The following TRAF3IP1 variants were observed in gnomAD, a reference collection of about 807,000 sequenced individuals.
TRAF3IP1 encodes the protein TRAF3-interacting protein 1.
In TRAF3IP1, 53 loss-of-function variants were observed where a neutral mutation model predicts 89.9. The observed-to-expected ratio is 0.59, with a 90% CI of 0.47 to 0.74. The LOEUF is 0.74. Ranked by LOEUF, TRAF3IP1 falls within the 30% of genes least tolerant of loss-of-function variation. The pLI, the probability that TRAF3IP1 is intolerant of heterozygous loss-of-function variation, is 0.00. For missense variants in TRAF3IP1, 806 were observed against 866.1 expected (o/e 0.93, Z 0.87); for synonymous variants, 311 against 322.1 (o/e 0.97, Z 0.37).
At chr2:238,324,275 C>T (rs1335290904) in intron 1 of TRAF3IP1, among the ~76,000 whole-genome samples, 1 of 152,134 alleles carries the variant, frequency 6.6e-6, no homozygotes, top group Non-Finnish European at 1.5e-5. Context: ...ACCTTGTTGG[C>T]CAGGCTGGTC....
intron 6 of TRAF3IP1, among the ~76,000 whole-genome samples, chr2:238,333,150 G>A (rs116314356): frequency 0.01 from 1,584 of 152,288 alleles, 36 homozygotes; most frequent in African/African-American, 0.036. Flanking sequence ...TATGACAAGT[G>A]TGATATGTGG....
Position 238,353,188 on chromosome 2 carries a change from C to G in TRAF3IP1, c.1591C>G (p.Leu531Val), listed in dbSNP as rs1483276334. The change falls in exon 14 of 17, where the codon CTA becomes GTA. Residue 531 changes from leucine to valine, a missense_variant. Physicochemically the swap from Leu to Val is conservative, Grantham distance 32. This residue lies in a region of TRAF3IP1 where 732 missense variants were observed against 780.5 expected (regional missense o/e 0.94). Coordinates refer to ENST00000373327, the MANE Select transcript of TRAF3IP1 (RefSeq NM_015650.4). ...SEIEMVTAVE[L>V]EEEEKHGGLV... ...TCCTGCTCAGGTAACAGCAGTGGAA[C>G]TAGAAGAAGAGGAGAAGCATGGTGA... The G allele has an allele frequency of 6.2e-7, 1 of 1,614,176 alleles. No individual in the cohort carries two copies. Among genetic ancestry groups the G allele is most frequent in the Admixed American group, 1.7e-5 (1 of 60,020 alleles).
Position 238,338,418 on chromosome 2 carries a change from A to T in TRAF3IP1, c.1120A>T (p.Asn374Tyr). ...TTTAGACTCCATAGTGTCTGGAATA[A>T]ATAATGAGCCAAATCAGGAAACGAC... Reference protein sequence around the residue: ...KSLDSIVSGINNEPNQETTTS... With the variant: ...KSLDSIVSGIYNEPNQETTTS... The change falls in exon 8 of 17, where the codon AAT becomes TAT. Residue 374 changes from asparagine to tyrosine, a missense_variant. Around this residue, in one of 3 missense-constraint regions of TRAF3IP1, gnomAD observed 732 missense variants for 780.5 expected, o/e 0.94. Coordinates refer to ENST00000373327, the MANE Select transcript of TRAF3IP1 (RefSeq NM_015650.4). The T allele has an allele frequency of 1.2e-6, 2 of 1,600,008 alleles. No homozygotes were observed. The highest frequency in any genetic ancestry group is 1.7e-6 in the Non-Finnish European group (2 of 1,174,684).
In TRAF3IP1 at chr2:238,328,944, A is replaced by C; in HGVS notation, c.517A>C (p.Ile173Leu). The C allele has an allele frequency of 6.4e-7, 1 of 1,554,112 alleles. No homozygotes were observed. The highest frequency in any genetic ancestry group is 1.2e-5 in the South Asian group (1 of 82,904). The change falls in exon 5 of 17, where the codon ATA (isoleucine) becomes CTA (leucine). Residue 173 changes from isoleucine to leucine, a missense_variant. This residue lies in a region of TRAF3IP1 where 732 missense variants were observed against 780.5 expected (regional missense o/e 0.94). Coordinates refer to ENST00000373327, the MANE Select transcript of TRAF3IP1 (RefSeq NM_015650.4). ...KNTEDRGDAE[I>L]KERSTSRDRK... The stretch of plus-strand genomic sequence containing the variant: ...TTCGTAGGATAGAGGAGACGCTGAA[A>C]TAAAAGAGAGAAGTACAAGCAGAGA...
At chr2:238,357,379 A>G (rs1459374964) in intron 15 of TRAF3IP1, among the ~76,000 whole-genome samples, 1 of 152,208 alleles carries the variant, frequency 6.6e-6, no homozygotes, top group Non-Finnish European at 1.5e-5. Flanking sequence ...AAAGTTTTAT[A>G]TATAGGGATG....
intron 15 of TRAF3IP1, among the ~76,000 whole-genome samples, chr2:238,363,419 C>T (rs1361051956): frequency 6.6e-6 from 1 of 152,076 alleles, no homozygotes; most frequent in South Asian, 2.1e-4. Context: ...TACTTTGTTA[C>T]AATTTTAACA....
At chr2:238,341,448 T>TTTCCTACACA (rs1445591525) in intron 8 of TRAF3IP1, among the ~76,000 whole-genome samples, 7 of 152,226 alleles carry the variant, frequency 4.6e-5, no homozygotes, top group African/African-American at 1.7e-4. Context: ...AGAAAAGTAT[T>TTTCCTACACA]GTCTAACTGA....
chr2:238,368,899 C>T (rs1699993679), intron 15 of TRAF3IP1, among the ~76,000 whole-genome samples: 2 of 152,120 alleles, frequency 1.3e-5, no homozygotes, highest in Admixed American at 6.5e-5. Context: ...TCTTGAACTC[C>T]TGACCTCAGG....
At chr2:238,363,784 A>AC (rs1391334535) in intron 15 of TRAF3IP1, among the ~76,000 whole-genome samples, 5 of 151,840 alleles carry the variant, frequency 3.3e-5, no homozygotes, top group African/African-American at 1.2e-4. Context: ...ACACAGTAAA[A>AC]CCCCGTCTCT....
intron 15 of TRAF3IP1, among the ~76,000 whole-genome samples, chr2:238,373,624 T>C (rs1559385334): frequency 6.6e-6 from 1 of 152,330 alleles, no homozygotes; most frequent in East Asian, 1.9e-4. Flanking sequence ...GGGCTCTTTT[T>C]TGGTTCCATA....
At chr2:238,354,463 G>GT (rs1278027654) in intron 14 of TRAF3IP1, among the ~76,000 whole-genome samples, 2 of 151,990 alleles carry the variant, frequency 1.3e-5, no homozygotes, top group Non-Finnish European at 2.9e-5. Flanking sequence ...GCATTCTTTG[G>GT]TTTTATATAT....
intron 1 of TRAF3IP1, among the ~76,000 whole-genome samples, chr2:238,323,097 T>A (rs7566151): frequency 0.28 from 42,236 of 151,196 alleles, 7,301 homozygotes; most frequent in Middle Eastern, 0.46. Flanking sequence ...TTTTTTTTTT[T>A]AGAGGGATTC....
intron 15 of TRAF3IP1, among the ~76,000 whole-genome samples, chr2:238,358,924 C>T (rs2106334994): frequency 6.6e-6 from 1 of 152,320 alleles, no homozygotes; most frequent in South Asian, 2.1e-4. Context: ...AGAATCAGGC[C>T]ACTTTCTGTA....
At chr2:238,359,542 C>T (rs1053248572) in intron 15 of TRAF3IP1, among the ~76,000 whole-genome samples, 3 of 152,012 alleles carry the variant, frequency 2.0e-5, no homozygotes, top group African/African-American at 4.8e-5. Flanking sequence ...GTTGTTGCAG[C>T]GTGTATCTAT....
chr2:238,391,019 G>A (rs1034885446), intron 15 of TRAF3IP1, among the ~76,000 whole-genome samples: 1 of 152,164 alleles, frequency 6.6e-6, no homozygotes, highest in Non-Finnish European at 1.5e-5. Context: ...CAGTGGCACA[G>A]TCTTGGCTCA....
At chr2:238,349,732 T>C (rs1459556635) in intron 12 of TRAF3IP1, among the ~76,000 whole-genome samples, 1 of 152,030 alleles carries the variant, frequency 6.6e-6, no homozygotes, top group Non-Finnish European at 1.5e-5. Context: ...GGAAAAAAAT[T>C]AGGGGCTTAA....
intron 3 of TRAF3IP1, among the ~76,000 whole-genome samples, chr2:238,326,218 G>A (rs1170328263): frequency 4.6e-5 from 7 of 152,186 alleles, no homozygotes; most frequent in African/African-American, 7.2e-5. Flanking sequence ...GTAGAAAGTC[G>A]GGAACCCTGC....
chr2:238,336,393 G>A (rs1252271814), intron 7 of TRAF3IP1, among the ~76,000 whole-genome samples: 1 of 152,178 alleles, frequency 6.6e-6, no homozygotes, highest in Non-Finnish European at 1.5e-5. Flanking sequence ...CACTCTGCCT[G>A]AACATTCTGC....
intron 15 of TRAF3IP1, among the ~76,000 whole-genome samples, chr2:238,356,794 TTTGAGG>T: frequency 6.6e-6 from 1 of 151,712 alleles, no homozygotes. Flanking sequence ...TTTTTTTTTT[TTTGAGG>T]TAGAGTCTCG....
Sources: allele counts gnomAD v4.1 joint callset (sites outside exome capture counted in the v4.1 genomes callset), GRCh38; gene constraint gnomAD v4.1.1; regional missense constraint gnomAD v4.1.1; transcripts MANE v1.5; gene names NCBI Gene and HGNC (gene_info 2026-07-23, HGNC 2026-07-21).